SPMAP2: variants seen among roughly 807,000 people sequenced by gnomAD.
The protein encoded by SPMAP2 is Theg homolog.
chr19:373,166 TATG>T, the SPMAP2 span, among the ~76,000 whole-genome samples: 1 of 152,234 alleles, frequency 6.6e-6, no homozygotes, highest in Non-Finnish European at 1.5e-5. Context: ...TGAAGGTATC[TATG>T]ATACCTCAAT....
At chr19:372,515 C>A in the SPMAP2 span, 2 of 1,037,774 alleles carry the variant, frequency 1.9e-6, no homozygotes, top group Non-Finnish European at 1.5e-6. Context: ...GTCTGAACAC[C>A]AGCTGTCTAG....
At chr19:375,867 G>A in the SPMAP2 span, 9 of 1,582,636 alleles carry the variant, frequency 5.7e-6, no homozygotes, top group Non-Finnish European at 6.9e-6. Context: ...CTCGTACACA[G>A]AGCTCTGGAG....
the SPMAP2 span, chr19:375,908 C>T: frequency 3.8e-4 from 571 of 1,505,390 alleles, no homozygotes; most frequent in Non-Finnish European, 4.8e-4. Flanking sequence ...GCTCCCTTTC[C>T]GACCTGCCCG....
At chr19:368,454 G>A in the SPMAP2 span, among the ~76,000 whole-genome samples, 1 of 141,744 alleles carries the variant, frequency 7.1e-6, no homozygotes, top group Non-Finnish European at 1.6e-5. This position sits in a 1 kb window ranked among gnomAD's most constrained non-coding sequence, Gnocchi z 4.1. Flanking sequence ...AGAGGAACTG[G>A]CCATTCCTGA....
the SPMAP2 span, among the ~76,000 whole-genome samples, chr19:373,116 T>C: frequency 2.0e-5 from 3 of 152,206 alleles, no homozygotes; most frequent in African/African-American, 7.2e-5. Flanking sequence ...AGAACTGGAC[T>C]GTTATTCTCC....
chr19:368,166 ACC>A, the SPMAP2 span, among the ~76,000 whole-genome samples: 2 of 147,374 alleles, frequency 1.4e-5, no homozygotes, highest in African/African-American at 2.5e-5. This position sits in a 1 kb window ranked among gnomAD's most constrained non-coding sequence, Gnocchi z 4.1. Context: ...ACATAGCAAG[ACC>A]CCATCTACAC....
the SPMAP2 span, chr19:367,178 C>A: frequency 1.3e-5 from 21 of 1,607,980 alleles, no homozygotes; most frequent in East Asian, 4.5e-4. Context: ...CTGGAGGATC[C>A]GCGAGCTGGG....
chr19:370,957 G>A, the SPMAP2 span, among the ~76,000 whole-genome samples: 7 of 152,212 alleles, frequency 4.6e-5, no homozygotes, highest in African/African-American at 1.7e-4. Flanking sequence ...CCTGAGATAA[G>A]ACTGTTCTAA....
the SPMAP2 span, among the ~76,000 whole-genome samples, chr19:366,089 G>A: frequency 7.1e-4 from 108 of 151,898 alleles, no homozygotes; most frequent in South Asian, 0.021. Context: ...GCAGTGAGCC[G>A]AGATCGCGCC....
the SPMAP2 span, among the ~76,000 whole-genome samples, chr19:371,562 A>G: frequency 6.6e-6 from 1 of 152,170 alleles, no homozygotes; most frequent in Non-Finnish European, 1.5e-5. Context: ...GTTCTCAAGT[A>G]CAGAGCTACC....
chr19:370,487 G>A, the SPMAP2 span, among the ~76,000 whole-genome samples: 20 of 148,374 alleles, frequency 1.3e-4, no homozygotes, highest in East Asian at 1.4e-3. Context: ...GACTACAGGC[G>A]CCCGCCACCA....
At chr19:375,178 GC>G in the SPMAP2 span, among the ~76,000 whole-genome samples, 1 of 152,136 alleles carries the variant, frequency 6.6e-6, no homozygotes, top group African/African-American at 2.4e-5. Flanking sequence ...CAAAATCAGC[GC>G]CCCCAGTGCT....
the SPMAP2 span, chr19:375,846 AC>A: frequency 2.5e-6 from 4 of 1,598,986 alleles, no homozygotes; most frequent in Non-Finnish European, 3.4e-6. Context: ...GGGGTCTGTG[AC>A]CCGCCGGCTC....
chr19:374,402 T>C, the SPMAP2 span: 1 of 1,614,080 alleles, frequency 6.2e-7, no homozygotes, highest in Non-Finnish European at 8.5e-7. Flanking sequence ...CTGGGGAGCT[T>C]CTGGCTGATG....
the SPMAP2 span, among the ~76,000 whole-genome samples, chr19:370,723 G>A: frequency 2.0e-5 from 3 of 152,164 alleles, no homozygotes; most frequent in African/African-American, 7.2e-5. Flanking sequence ...TGCCTGGATC[G>A]GCAAATTCTG....
At chr19:370,247 C>G in the SPMAP2 span, among the ~76,000 whole-genome samples, 149,302 of 152,382 alleles carry the variant, frequency 0.98, 73,200 homozygotes, top group Middle Eastern at 1. Context: ...TTAAAAGTTA[C>G]ATATACCCAG....
At chr19:361,827 C>T in the SPMAP2 span, 2 of 79,954 alleles carry the variant, frequency 2.5e-5, no homozygotes, top group African/African-American at 1.3e-4. Flanking sequence ...TCCCGTGGCC[C>T]CTCAGCAGGA....
At chr19:374,470 G>A in the SPMAP2 span, 3 of 1,611,472 alleles carry the variant, frequency 1.9e-6, no homozygotes, top group East Asian at 2.2e-5. Context: ...CCGCCCCGAT[G>A]CGTTTGGGAG....
At chr19:364,348 A>AG in the SPMAP2 span, among the ~76,000 whole-genome samples, 1 of 151,202 alleles carries the variant, frequency 6.6e-6, no homozygotes, top group African/African-American at 2.4e-5. Context: ...AAAAAAAAAA[A>AG]AAAAAAAAGA....
Sources: allele counts gnomAD v4.1 joint callset (sites outside exome capture counted in the v4.1 genomes callset), GRCh38; gene constraint gnomAD v4.1.1; non-coding constraint Gnocchi (gnomAD v3.1); transcripts MANE v1.5; gene names NCBI Gene and HGNC (gene_info 2026-07-23, HGNC 2026-07-21).